RAPGEF4: variants seen among roughly 807,000 people sequenced by gnomAD.
RAPGEF4 encodes the protein RAP guanine-nucleotide-exchange factor (GEF) 4.
In RAPGEF4, 66 loss-of-function variants were observed where a neutral mutation model predicts 147.9. The ratio of observed to expected loss-of-function variants is 0.45; its 90% CI spans 0.37 to 0.55. The LOEUF is 0.55. RAPGEF4 is among the 20% of genes least tolerant of loss of function. The pLI is 0.00. For missense variants in RAPGEF4, 1,071 were observed against 1,257.3 expected (o/e 0.85, Z 2.24); for synonymous variants, 419 against 442.7 (o/e 0.95, Z 0.67).
At chr2:173,013,571 C>T (rs1314262026) in intron 17 of RAPGEF4, among the ~76,000 whole-genome samples, 1 of 152,116 alleles carries the variant, frequency 6.6e-6, no homozygotes, top group East Asian at 1.9e-4. Flanking sequence ...TGTGTCTAAC[C>T]TAAAATATTT....
At position 172,949,089 on chromosome 2, in the gene RAPGEF4, A is replaced by G. The variant is rs1001803440; in HGVS notation, c.538-11671A>G. Among the ~76,000 whole-genome samples, 7 of 152,348 alleles carry G rather than the reference A, an allele frequency of 4.6e-5. No homozygotes were observed. The East Asian group carries it at 1.3e-3, about 29-fold the overall frequency. ...AATAGTTCACAAATTAATTTCCAAC[A>G]TCCAGTAAACTTAGCCTTTTCATAT... is the stretch of plus-strand genomic sequence containing the variant. On this transcript the variant is annotated intron_variant, in intron 6 of 30. Coordinates refer to ENST00000397081, the MANE Select transcript of RAPGEF4 (RefSeq NM_007023.4).
intron 28 of RAPGEF4, 152 bp from the exon 29 acceptor site, chr2:173,036,476 A>G (rs1684021812): frequency 5.9e-6 from 4 of 674,344 alleles, no homozygotes; most frequent in African/African-American, 1.8e-5. Flanking sequence ...TGATTTAAAA[A>G]GTTAAACACC....
chr2:172,919,395 C>G (rs533020626), intron 5 of RAPGEF4, among the ~76,000 whole-genome samples: 1 of 152,260 alleles, frequency 6.6e-6, no homozygotes, highest in African/African-American at 2.4e-5. Context: ...AGTGACCAAC[C>G]AATAACCAGA....
At chr2:172,992,008 A>G (rs1692884565) in intron 15 of RAPGEF4, among the ~76,000 whole-genome samples, 1 of 152,236 alleles carries the variant, frequency 6.6e-6, no homozygotes, top group African/African-American at 2.4e-5. Flanking sequence ...TTACTTGCCC[A>G]AGGTCTCAAA....
At chr2:172,920,290 G>C (rs569585535) in intron 5 of RAPGEF4, among the ~76,000 whole-genome samples, 1 of 151,834 alleles carries the variant, frequency 6.6e-6, no homozygotes, top group African/African-American at 2.4e-5. Context: ...ATGTCACCAG[G>C]CATTTTTGAA....
intron 4 of RAPGEF4, among the ~76,000 whole-genome samples, chr2:172,816,279 C>T (rs1180682447): frequency 6.6e-6 from 1 of 151,968 alleles, no homozygotes; most frequent in Non-Finnish European, 1.5e-5. Context: ...TCCTCTCTCC[C>T]TCTCTCCCCC....
rs977926960 is a variant in RAPGEF4 at position 172,744,309 on chromosome 2, C to T, written c.65+8261C>T. 3.6e-5 allele frequency: 15 copies of T among 418,618 alleles called. No homozygotes were observed. The Admixed American group carries it at 3.7e-4, about 10-fold the overall frequency. 25.9% of individuals were successfully genotyped at this position (418,618 alleles called of 1,614,324 possible). Reference sequence around the variant, plus strand: ...GATCAGCCAGACCTGGATTCAAATTCTGTCACCTCTACCCTCTAGCTATGT... The same window carrying T: ...GATCAGCCAGACCTGGATTCAAATTTTGTCACCTCTACCCTCTAGCTATGT... On this transcript the variant is annotated intron_variant, in intron 1 of 30. Transcript: ENST00000397081.
intron 1 of RAPGEF4, among the ~76,000 whole-genome samples, chr2:172,781,556 C>T (rs1684682740): frequency 1.3e-5 from 2 of 152,192 alleles, no homozygotes; most frequent in African/African-American, 2.4e-5. Context: ...AGGTATGAGC[C>T]ACCATGCCAA....
At chr2:172,968,575 G>T (rs1559152079) in intron 10 of RAPGEF4, among the ~76,000 whole-genome samples, 1 of 152,038 alleles carries the variant, frequency 6.6e-6, no homozygotes, top group East Asian at 1.9e-4. Context: ...TGTTTCAAAG[G>T]CCTCCCCTCA....
chr2:172,939,095 T>C (rs1223812997), intron 6 of RAPGEF4, among the ~76,000 whole-genome samples: 2 of 152,252 alleles, frequency 1.3e-5, no homozygotes, highest in African/African-American at 4.8e-5. Context: ...TTTCATTTTT[T>C]GGCAATTATG....
chr2:172,971,964 T>C (rs1017062659), intron 10 of RAPGEF4, among the ~76,000 whole-genome samples: 3 of 152,062 alleles, frequency 2.0e-5, no homozygotes, highest in East Asian at 1.9e-4. Flanking sequence ...CATACTCTGC[T>C]AAGGCATTAA....
Position 172,842,330 on chromosome 2 carries a change from G to A in RAPGEF4, c.444+27905G>A, listed in dbSNP as rs6746973. On this transcript the variant is annotated intron_variant, in intron 4 of 30. Coordinates refer to ENST00000397081, the MANE Select transcript of RAPGEF4 (RefSeq NM_007023.4). ...TGACTGGGCTTTGACAGGTGGATTGGATTGCAGAAGGCCAAAAAGAAGGGG... is the reference window on the plus strand; with the variant it reads ...TGACTGGGCTTTGACAGGTGGATTGAATTGCAGAAGGCCAAAAAGAAGGGG... Among the ~76,000 whole-genome samples, 884 of 152,330 alleles carry A rather than the reference G, an allele frequency of 5.8e-3. 9 individuals are homozygous for A. Among genetic ancestry groups the A allele is most frequent in the African/African-American group, 0.021 (857 of 41,584 alleles).
intron 4 of RAPGEF4, among the ~76,000 whole-genome samples, chr2:172,892,731 T>A (rs907158366): frequency 6.6e-6 from 1 of 152,216 alleles, no homozygotes; most frequent in Admixed American, 6.5e-5. Context: ...GTCTCACTTG[T>A]CCTGACTTTC....
intron 4 of RAPGEF4, among the ~76,000 whole-genome samples, chr2:172,870,177 G>C (rs530895093): frequency 3.3e-5 from 5 of 152,246 alleles, no homozygotes; most frequent in Admixed American, 2.6e-4. Flanking sequence ...GGGTGTCCCT[G>C]TTGCACTACT....
At chr2:172,955,331 C>T (rs1221948898) in intron 6 of RAPGEF4, among the ~76,000 whole-genome samples, 2 of 152,090 alleles carry the variant, frequency 1.3e-5, no homozygotes, top group African/African-American at 2.4e-5. Context: ...GAATATTTTC[C>T]GTCTCTGTTT....
chr2:173,013,555 G>T (rs1695221650), intron 17 of RAPGEF4, among the ~76,000 whole-genome samples: 2 of 152,190 alleles, frequency 1.3e-5, no homozygotes, highest in Non-Finnish European at 2.9e-5. Flanking sequence ...ATTGAAAAAG[G>T]AATGGTGTGT....
intron 6 of RAPGEF4, among the ~76,000 whole-genome samples, chr2:172,947,569 T>A (rs1017056096): frequency 2.0e-5 from 3 of 152,228 alleles, no homozygotes; most frequent in African/African-American, 7.2e-5. Flanking sequence ...CATACAAGCA[T>A]ATATGCATTC....
At chr2:173,015,025 T>C (rs1695383304) in intron 18 of RAPGEF4, among the ~76,000 whole-genome samples, 1 of 152,230 alleles carries the variant, frequency 6.6e-6, no homozygotes, top group Non-Finnish European at 1.5e-5. Flanking sequence ...GTCACAGATA[T>C]ATTTATGTGT....
intron 1 of RAPGEF4, among the ~76,000 whole-genome samples, chr2:172,755,659 G>A (rs1386960630): frequency 6.6e-6 from 1 of 152,172 alleles, no homozygotes; most frequent in African/African-American, 2.4e-5. Flanking sequence ...GCCTCCCAAA[G>A]TGCTGGGATT....
Sources: allele counts gnomAD v4.1 joint callset (sites outside exome capture counted in the v4.1 genomes callset), GRCh38; gene constraint gnomAD v4.1.1; transcripts MANE v1.5; gene names NCBI Gene and HGNC (gene_info 2026-07-23, HGNC 2026-07-21).